Variants in COL24A1 observed in about 807,000 individuals in gnomAD.
COL24A1 encodes the protein collagen type XXIV alpha 1 chain.
In COL24A1, 224 loss-of-function variants were observed where a neutral mutation model predicts 253.9. The observed-to-expected ratio is 0.88, with a 90% CI of 0.79 to 0.99. The LOEUF is 0.99. Among genes scored for constraint, COL24A1 ranks in the 50% least tolerant of loss-of-function variants. The pLI is 0.00. For missense variants in COL24A1, 2,131 were observed against 2,068.5 expected (o/e 1.03, Z -0.59); for synonymous variants, 685 against 673.7 (o/e 1.02, Z -0.26).
chr1:85,803,797 C>T (rs1671682502), intron 47 of COL24A1, among the ~76,000 whole-genome samples: 1 of 152,162 alleles, frequency 6.6e-6, no homozygotes, highest in Non-Finnish European at 1.5e-5. Context: ...CAAATAAAGA[C>T]AGTTTTACTT....
In COL24A1 at chr1:85,986,083, G is replaced by A. The variant is rs555188726; in HGVS notation, c.2364+1518C>T. On this transcript the variant is annotated intron_variant, in intron 20 of 59. Transcript: ENST00000370571. The stretch of plus-strand genomic sequence containing the variant: ...CTATCTTCCCTGCAAAACATAATTT[G>A]ACTTCCCTGACCCTGTGCTCTCACA... Among the ~76,000 whole-genome samples the A allele has an allele frequency of 2.6e-5, 4 of 151,818 alleles. No individual in the cohort carries two copies. The East Asian group carries it at 7.7e-4, about 29-fold the overall frequency.
intron 14 of COL24A1, among the ~76,000 whole-genome samples, chr1:86,023,820 G>T (rs1220836714): frequency 3.3e-5 from 5 of 151,972 alleles, no homozygotes; most frequent in African/African-American, 1.2e-4. Context: ...GGTGGTTTGG[G>T]ATCAGTTATA....
intron 47 of COL24A1, among the ~76,000 whole-genome samples, chr1:85,796,431 A>T (rs1670813281): frequency 6.6e-6 from 1 of 152,198 alleles, no homozygotes. Context: ...GGACTGAAAG[A>T]AGATGTTTCA....
chr1:85,732,020 C>T (rs1401335966), intron 59 of COL24A1, among the ~76,000 whole-genome samples: 2 of 152,116 alleles, frequency 1.3e-5, no homozygotes, highest in East Asian at 3.9e-4. Context: ...TGAAAATTAG[C>T]TTAGCATGGC....
intron 20 of COL24A1, among the ~76,000 whole-genome samples, chr1:85,985,868 C>T (rs1175119839): frequency 6.6e-6 from 1 of 151,788 alleles, no homozygotes; most frequent in Non-Finnish European, 1.5e-5. Context: ...TTGTAGGTGG[C>T]AGGTGGGGTT....
chr1:85,807,772 C>T (rs977550750), intron 47 of COL24A1, among the ~76,000 whole-genome samples: 1 of 152,116 alleles, frequency 6.6e-6, no homozygotes, highest in Non-Finnish European at 1.5e-5. Context: ...TACTACAACT[C>T]CTCCCCTAAG....
intron 52 of COL24A1, among the ~76,000 whole-genome samples, chr1:85,780,164 C>G (rs1187053059): frequency 6.6e-6 from 1 of 152,090 alleles, no homozygotes. Context: ...TACAGAAATA[C>G]TGAGTTATAC....
At chr1:86,149,946 T>G (rs980882506) in intron 1 of COL24A1, among the ~76,000 whole-genome samples, 1 of 152,186 alleles carries the variant, frequency 6.6e-6, no homozygotes, top group African/African-American at 2.4e-5. Flanking sequence ...CCAAAACAAA[T>G]AGCGAACTGA....
intron 53 of COL24A1, among the ~76,000 whole-genome samples, chr1:85,769,220 G>A (rs1395799186): frequency 2.0e-5 from 3 of 152,076 alleles, no homozygotes; most frequent in African/African-American, 7.2e-5. Context: ...GAGGGACACA[G>A]CATTAAAACA....
chr1:85,817,007 G>T, intron 46 of COL24A1, 112 bp from the exon 47 acceptor site: 1 of 780,138 alleles, frequency 1.3e-6, no homozygotes. Flanking sequence ...TTTTGTTCTA[G>T]GACAAATTTT....
chr1:86,151,765 C>T (rs1377407984), intron 1 of COL24A1, among the ~76,000 whole-genome samples: 1 of 152,154 alleles, frequency 6.6e-6, no homozygotes, highest in African/African-American at 2.4e-5. Flanking sequence ...CCCTGAGACT[C>T]TAAGGTATTA....
intron 24 of COL24A1, among the ~76,000 whole-genome samples, chr1:85,933,087 TA>T (rs747954578): frequency 0.26 from 31,990 of 123,006 alleles, 3,288 homozygotes; most frequent in East Asian, 0.35. Context: ...TAGAGTATAA[TA>T]AAAAAAAAAA....
chr1:85,915,483 T>C (rs938434555), intron 24 of COL24A1, among the ~76,000 whole-genome samples: 2 of 152,138 alleles, frequency 1.3e-5, no homozygotes, highest in African/African-American at 2.4e-5. Context: ...TTCTTTATAA[T>C]AAATCAATCT....
chr1:86,109,553 T>G (rs1283047031), intron 5 of COL24A1, among the ~76,000 whole-genome samples: 1 of 152,200 alleles, frequency 6.6e-6, no homozygotes, highest in African/African-American at 2.4e-5. Context: ...CCATTCAAAT[T>G]GAAAGAGTTA....
intron 7 of COL24A1, among the ~76,000 whole-genome samples, chr1:86,074,040 A>C (rs1450414320): frequency 1.3e-5 from 2 of 152,238 alleles, no homozygotes; most frequent in Non-Finnish European, 2.9e-5. Context: ...GACACCATAA[A>C]GAAACTGCAT....
chr1:86,064,643 A>T (rs1468977128), intron 7 of COL24A1, among the ~76,000 whole-genome samples: 1 of 152,204 alleles, frequency 6.6e-6, no homozygotes, highest in Non-Finnish European at 1.5e-5. Context: ...GAATATCAAA[A>T]ATTTCCAATT....
chr1:85,830,991 G>C (rs929943649), intron 43 of COL24A1, among the ~76,000 whole-genome samples: 1 of 152,088 alleles, frequency 6.6e-6, no homozygotes, highest in South Asian at 2.1e-4. Context: ...AGGCTTCTTT[G>C]TTTGCATTCT....
intron 19 of COL24A1, among the ~76,000 whole-genome samples, chr1:85,990,584 G>C (rs1694157495): frequency 6.6e-6 from 1 of 152,146 alleles, no homozygotes; most frequent in South Asian, 2.1e-4. Flanking sequence ...TCACAAACCA[G>C]TACAGGTCCA....
At chr1:85,913,804 G>A (rs1450342199) in intron 24 of COL24A1, among the ~76,000 whole-genome samples, 1 of 152,206 alleles carries the variant, frequency 6.6e-6, no homozygotes, top group African/African-American at 2.4e-5. Flanking sequence ...ACCCAGTTCA[G>A]GCAGGACTAC....
Sources: gnomAD v4.1 joint callset for allele counts (sites outside exome capture counted in the v4.1 genomes callset) on GRCh38, gnomAD v4.1.1 for gene constraint, MANE v1.5 for transcripts, NCBI Gene and HGNC (gene_info 2026-07-23, HGNC 2026-07-21) for gene names.